TSHR: variants seen among roughly 807,000 people sequenced by gnomAD.
The protein encoded by TSHR is thyroid stimulating hormone receptor, also known as thyrotropin receptor.
TSHR carries 51 observed loss-of-function variants against 64.1 expected under a neutral mutation model. The observed-to-expected ratio is 0.80, with a 90% confidence interval of 0.64 to 1.01. The LOEUF is 1.01. Ranked by LOEUF, TSHR falls within the 50% of genes least tolerant of loss-of-function variation. The pLI, the probability that TSHR is intolerant of heterozygous loss-of-function variation, is 0.00. For missense variants in TSHR, 877 were observed against 942.8 expected (o/e 0.93, Z 0.91); for synonymous variants, 361 against 361.9 (o/e 1.00, Z 0.03).
intron 1 of TSHR, among the ~76,000 whole-genome samples, chr14:80,979,326 G>T (rs1399128028): frequency 2.1e-5 from 2 of 97,280 alleles, no homozygotes; most frequent in Non-Finnish European, 4.7e-5. Flanking sequence ...TGATCTCATA[G>T]AAGCAGAGAG....
Position 81,116,757 on chromosome 14 carries a change from T to C in TSHR, c.692+8305T>C, listed in dbSNP as rs774747937. ...TTTTTCAGCACCACACCACACCTAT[T>C]CCAAAATTGACCACATACTTGGAAG... On this transcript the variant is annotated intron_variant, in intron 8 of 9. Coordinates refer to ENST00000298171, the MANE Select transcript of TSHR (RefSeq NM_000369.5). Among the ~76,000 whole-genome samples the C allele has an allele frequency of 2.0e-3, 296 of 149,982 alleles. 3 individuals are homozygous for C. The highest frequency in any genetic ancestry group is 5.3e-3 in the Admixed American group (80 of 15,180).
In TSHR at chr14:81,143,691, G is replaced by T. The variant is rs777588480; in HGVS notation, c.1633G>T (p.Gly545Cys). 2 of 1,614,168 alleles carry T rather than the reference G, an allele frequency of 1.2e-6. No individual in the cohort carries two copies. The highest frequency in any genetic ancestry group is 1.7e-6 in the Non-Finnish European group (2 of 1,180,044). ...GCACGCATGTGCCATCATGGTTGGGGGCTGGGTTTGCTGCTTCCTTCTCGC... is the reference window on the plus strand; with the variant it reads ...GCACGCATGTGCCATCATGGTTGGGTGCTGGGTTTGCTGCTTCCTTCTCGC... ...LRHACAIMVGGWVCCFLLALL... is the reference protein window; with the variant it reads ...LRHACAIMVGCWVCCFLLALL... The change falls in exon 10 of 10, where the codon GGC becomes TGC. Residue 545 changes from glycine to cysteine, a missense_variant. Transcript: ENST00000298171.
intron 3 of TSHR, among the ~76,000 whole-genome samples, chr14:81,077,325 T>A (rs888970076): frequency 1.3e-5 from 2 of 152,222 alleles, no homozygotes; most frequent in Admixed American, 6.5e-5. Flanking sequence ...ACATGCATTT[T>A]AAAAATAATG....
intron 1 of TSHR, among the ~76,000 whole-genome samples, chr14:81,007,401 C>G (rs1008579293): frequency 1.3e-5 from 2 of 152,200 alleles, no homozygotes; most frequent in African/African-American, 4.8e-5. Flanking sequence ...TTTGATGGCC[C>G]TGAGAGTTTT....
intron 8 of TSHR, among the ~76,000 whole-genome samples, chr14:81,132,355 C>T (rs1938437448): frequency 2.0e-5 from 3 of 152,152 alleles, no homozygotes. Context: ...AAATAATAAT[C>T]AATGACAAAA....
At position 81,144,068 on chromosome 14, in the gene TSHR, C is replaced by G. The variant is rs2140113552; in HGVS notation, c.2010C>G (p.Asn670Lys). 3 of 1,614,198 alleles carry G rather than the reference C, an allele frequency of 1.9e-6. No homozygotes were observed. The highest frequency in any genetic ancestry group is 1.1e-5 in the South Asian group (1 of 91,088). ...KILLVLFYPL[N>K]SCANPFLYAI... ...TGCTGGTACTCTTCTATCCACTTAA[C>G]TCCTGTGCCAATCCATTCCTCTATG... Residue 670 changes from asparagine (N) to lysine (K), a missense_variant, in exon 10 of 10, where the codon AAC becomes AAG. Physicochemically the swap from Asn to Lys is moderately conservative, Grantham distance 94. Transcript: ENST00000298171.
chr14:81,001,708 C>A, intron 1 of TSHR: 1 of 468,894 alleles, frequency 2.1e-6, no homozygotes, highest in Non-Finnish European at 4.2e-6. Flanking sequence ...TGGGCAGTTT[C>A]ACGAGTGTTC....
chr14:81,016,730 C>T (rs147369060), intron 1 of TSHR, among the ~76,000 whole-genome samples: 2 of 152,092 alleles, frequency 1.3e-5, no homozygotes, highest in African/African-American at 2.4e-5. Context: ...AGATCAATGT[C>T]AAAGAGGTTT....
At chr14:81,024,227 AT>A (rs1239343015) in intron 1 of TSHR, among the ~76,000 whole-genome samples, 1 of 150,708 alleles carries the variant, frequency 6.6e-6, no homozygotes, top group African/African-American at 2.4e-5. Flanking sequence ...ATAATAGAGT[AT>A]TTAGGCATGG....
intron 1 of TSHR, among the ~76,000 whole-genome samples, chr14:80,964,170 A>T (rs1331246923): frequency 6.6e-6 from 1 of 152,178 alleles, no homozygotes; most frequent in East Asian, 1.9e-4. Context: ...GATCGAGACC[A>T]TCCTGGCTAA....
intron 1 of TSHR, among the ~76,000 whole-genome samples, chr14:81,048,159 C>G (rs976154461): frequency 6.6e-6 from 1 of 152,076 alleles, no homozygotes; most frequent in Non-Finnish European, 1.5e-5. Flanking sequence ...TAAGAAAGCC[C>G]TGACTCCCAA....
chr14:81,105,582 T>C (rs1429379595), intron 7 of TSHR, among the ~76,000 whole-genome samples: 1 of 152,210 alleles, frequency 6.6e-6, no homozygotes, highest in East Asian at 1.9e-4. Context: ...CTGGCTGGCT[T>C]TTCCAGTCTG....
At chr14:81,123,625 A>T (rs754587049) in intron 8 of TSHR, among the ~76,000 whole-genome samples, 9 of 152,226 alleles carry the variant, frequency 5.9e-5, no homozygotes, top group Non-Finnish European at 1.5e-5. Flanking sequence ...TTTCTGCCTT[A>T]TAAAGGTTTT....
At chr14:81,114,659 G>A (rs1190970325) in intron 8 of TSHR, among the ~76,000 whole-genome samples, 3 of 152,198 alleles carry the variant, frequency 2.0e-5, no homozygotes, top group Admixed American at 6.5e-5. Context: ...AGGGAAGCTC[G>A]AACTGGGTGG....
At chr14:81,100,925 C>CATTG (rs1287016565) in intron 7 of TSHR, among the ~76,000 whole-genome samples, 1 of 152,194 alleles carries the variant, frequency 6.6e-6, no homozygotes, top group Non-Finnish European at 1.5e-5. Flanking sequence ...CATCACTGGC[C>CATTG]ATTGGTGATC....
At chr14:81,122,610 G>A (rs1043908139) in intron 8 of TSHR, among the ~76,000 whole-genome samples, 2 of 152,030 alleles carry the variant, frequency 1.3e-5, no homozygotes, top group African/African-American at 4.8e-5. Context: ...GGTGAGGGAT[G>A]ATAAAAGAAA....
chr14:80,988,092 C>A (rs2024428), intron 1 of TSHR, among the ~76,000 whole-genome samples: 129,732 of 152,194 alleles, frequency 0.85, 56,046 homozygotes, highest in East Asian at 1. Flanking sequence ...ATTAAAATCC[C>A]AACTCCCATT....
intron 3 of TSHR, among the ~76,000 whole-genome samples, chr14:81,069,495 G>A (rs138348482): frequency 2.0e-5 from 3 of 152,230 alleles, no homozygotes; most frequent in African/African-American, 7.2e-5. Flanking sequence ...GAACTCAATG[G>A]GCAATAAGCA....
At chr14:81,011,889 CT>C (rs1889927045) in intron 1 of TSHR, among the ~76,000 whole-genome samples, 6 of 151,562 alleles carry the variant, frequency 4.0e-5, no homozygotes, top group Admixed American at 3.9e-4. Flanking sequence ...TAAATAAAAG[CT>C]TTTTCCTATC....
Sources: gnomAD v4.1 joint callset for allele counts (sites outside exome capture counted in the v4.1 genomes callset) on GRCh38, gnomAD v4.1.1 for gene constraint, MANE v1.5 for transcripts, NCBI Gene and HGNC (gene_info 2026-07-23, HGNC 2026-07-21) for gene names.